QTMAN: variants seen among roughly 807,000 people sequenced by gnomAD.
QTMAN encodes the protein queuosine-tRNA mannosyltransferase, also known as tRNA-queuosine alpha-mannosyltransferase.
chr2:144,136,370 GA>G, the QTMAN span, among the ~76,000 whole-genome samples: 1 of 118,574 alleles, frequency 8.4e-6, no homozygotes, highest in Non-Finnish European at 1.8e-5. Context: ...CAGAGAAAAG[GA>G]AAAGGAAAAG....
the QTMAN span, among the ~76,000 whole-genome samples, chr2:144,062,775 G>C: frequency 6.6e-6 from 1 of 152,210 alleles, no homozygotes; most frequent in Non-Finnish European, 1.5e-5. Flanking sequence ...GTAGAGATCA[G>C]TAGCCTCAAT....
the QTMAN span, among the ~76,000 whole-genome samples, chr2:144,269,311 G>C: frequency 5.9e-5 from 9 of 152,176 alleles, no homozygotes; most frequent in East Asian, 1.4e-3. Flanking sequence ...ACTCCCCCAA[G>C]AATCTTAAGG....
At chr2:144,081,251 A>C in the QTMAN span, among the ~76,000 whole-genome samples, 1 of 152,138 alleles carries the variant, frequency 6.6e-6, no homozygotes, top group African/African-American at 2.4e-5. Context: ...CTGAGGGTTA[A>C]GATAAGGTAA....
the QTMAN span, among the ~76,000 whole-genome samples, chr2:144,105,272 T>G: frequency 3.3e-5 from 5 of 152,172 alleles, no homozygotes; most frequent in Non-Finnish European, 4.4e-5. Context: ...TTTGAAGAGC[T>G]GAGAGAAGAA....
At chr2:144,297,577 CTTTTTTTTT>C in the QTMAN span, among the ~76,000 whole-genome samples, 1 of 119,300 alleles carries the variant, frequency 8.4e-6, no homozygotes, top group Non-Finnish European at 1.8e-5. Flanking sequence ...AGGATTCCGT[CTTTTTTTTT>C]TTTTTTTTTT....
chr2:143,978,926 A>G, the QTMAN span, among the ~76,000 whole-genome samples: 1 of 152,362 alleles, frequency 6.6e-6, no homozygotes, highest in South Asian at 2.1e-4. Context: ...GAGCTGCCCC[A>G]GCAGTCCAGT....
the QTMAN span, among the ~76,000 whole-genome samples, chr2:144,017,161 C>T: frequency 5.3e-5 from 8 of 151,886 alleles, no homozygotes; most frequent in African/African-American, 1.7e-4. Context: ...TGCACCACCA[C>T]GTCCAGCTAA....
the QTMAN span, among the ~76,000 whole-genome samples, chr2:144,113,296 G>T: frequency 6.6e-6 from 1 of 151,744 alleles, no homozygotes; most frequent in Non-Finnish European, 1.5e-5. Context: ...AGAAATTTTA[G>T]AACTAAAAAG....
chr2:144,219,690 C>G, the QTMAN span, among the ~76,000 whole-genome samples: 1 of 152,016 alleles, frequency 6.6e-6, no homozygotes, highest in African/African-American at 2.4e-5. Context: ...GGTGTGGTGG[C>G]ACATGCCTGT....
the QTMAN span, among the ~76,000 whole-genome samples, chr2:144,133,411 TTATATATAA>T: frequency 1.1e-4 from 6 of 56,014 alleles, no homozygotes; most frequent in Non-Finnish European, 1.4e-4. Context: ...ATATAATATA[TTATATATAA>T]TATATATAAT....
the QTMAN span, among the ~76,000 whole-genome samples, chr2:144,105,124 G>C: frequency 6.6e-6 from 1 of 152,172 alleles, no homozygotes. Flanking sequence ...CATCATCAAA[G>C]ATCGAAGGTA....
At chr2:144,197,295 T>TTGTGTG in the QTMAN span, among the ~76,000 whole-genome samples, 33 of 148,094 alleles carry the variant, frequency 2.2e-4, no homozygotes, top group Admixed American at 9.6e-4. Flanking sequence ...GACTGTATAT[T>TTGTGTG]TGTGTGTGTG....
the QTMAN span, among the ~76,000 whole-genome samples, chr2:144,235,385 G>A: frequency 2.0e-5 from 3 of 152,034 alleles, no homozygotes; most frequent in Non-Finnish European, 4.4e-5. Context: ...AACAATATGA[G>A]AGCTGTCCAC....
the QTMAN span, among the ~76,000 whole-genome samples, chr2:144,310,929 C>T: frequency 1.3e-5 from 2 of 151,856 alleles, no homozygotes; most frequent in Non-Finnish European, 2.9e-5. Context: ...AAGTAAATCA[C>T]TGGATATGAT....
chr2:143,992,537 A>G, the QTMAN span, among the ~76,000 whole-genome samples: 1 of 151,728 alleles, frequency 6.6e-6, no homozygotes. Flanking sequence ...TCAATAAAAA[A>G]ATAAATAAAT....
chr2:143,994,537 T>C, the QTMAN span, among the ~76,000 whole-genome samples: 1 of 152,200 alleles, frequency 6.6e-6, no homozygotes, highest in Admixed American at 6.5e-5. Flanking sequence ...TATACCCATA[T>C]AATGGAATAT....
At chr2:144,180,214 A>AT in the QTMAN span, among the ~76,000 whole-genome samples, 3 of 152,138 alleles carry the variant, frequency 2.0e-5, no homozygotes, top group South Asian at 2.1e-4. Context: ...TGTTTGTTTC[A>AT]TTTTTTCTTT....
At chr2:144,149,753 T>C in the QTMAN span, among the ~76,000 whole-genome samples, 23 of 152,070 alleles carry the variant, frequency 1.5e-4, no homozygotes, top group Non-Finnish European at 3.4e-4. Context: ...AAGTCATATA[T>C]GTTTAAAGAA....
chr2:144,287,669 A>G, the QTMAN span, among the ~76,000 whole-genome samples: 1 of 152,140 alleles, frequency 6.6e-6, no homozygotes, highest in South Asian at 2.1e-4. Flanking sequence ...TAACCTCCCA[A>G]TAAAGCCTTA....
Sources: gnomAD v4.1 joint callset for allele counts (sites outside exome capture counted in the v4.1 genomes callset) on GRCh38, gnomAD v4.1.1 for gene constraint, MANE v1.5 for transcripts, NCBI Gene and HGNC (gene_info 2026-07-23, HGNC 2026-07-21) for gene names.